Variants in NCALD observed in about 807,000 individuals in gnomAD.
NCALD encodes the protein neurocalcin delta, also known as neurocalcin-delta.
Under a neutral mutation model 18.6 loss-of-function variants are expected in NCALD, and 10 were observed. The observed-to-expected ratio is 0.54, with a 90% CI of 0.33 to 0.91. NCALD has a LOEUF of 0.91. NCALD is among the 40% of genes least tolerant of loss of function. The pLI, the probability that NCALD is intolerant of heterozygous loss-of-function variation, is 0.03. For synonymous variants in NCALD, 88 were observed against 87.4 expected, an observed-to-expected ratio of 1.01 and a Z score of -0.04; for missense variants, 184 against 247.6, an observed-to-expected ratio of 0.74 and a Z score of 1.72.
chr8:101,717,831 C>A (rs1333826924), intron 2 of NCALD, among the ~76,000 whole-genome samples: 5 of 152,130 alleles, frequency 3.3e-5, no homozygotes, highest in African/African-American at 9.7e-5. Context: ...CAGTAAATTC[C>A]AGTTTATCCA....
chr8:101,954,377 G>A (rs896074283), intron 2 of NCALD, among the ~76,000 whole-genome samples: 4 of 151,966 alleles, frequency 2.6e-5, no homozygotes, highest in Non-Finnish European at 4.4e-5. Context: ...CCCTGAGCCC[G>A]AGGCCCTCCT....
chr8:101,913,876 C>G (rs921630910), intron 3 of NCALD, among the ~76,000 whole-genome samples: 1 of 152,192 alleles, frequency 6.6e-6, no homozygotes, highest in Non-Finnish European at 1.5e-5. Flanking sequence ...GACACTGCGC[C>G]TGGCCTACTT....
intron 2 of NCALD, among the ~76,000 whole-genome samples, chr8:101,704,645 G>A (rs555557959): frequency 9.8e-5 from 15 of 152,290 alleles, no homozygotes; most frequent in South Asian, 2.1e-4. Flanking sequence ...GGCCGGGCGC[G>A]GTGGTTCATG....
chr8:101,817,264 C>T (rs561502767), intron 4 of NCALD, among the ~76,000 whole-genome samples: 8 of 152,210 alleles, frequency 5.3e-5, no homozygotes, highest in African/African-American at 1.9e-4. Context: ...CTTGGTGGAG[C>T]CAGCAGAAGA....
chr8:101,711,364 T>C (rs1815782515), intron 2 of NCALD, among the ~76,000 whole-genome samples: 1 of 152,190 alleles, frequency 6.6e-6, no homozygotes, highest in South Asian at 2.1e-4. Flanking sequence ...CCTCTTATCC[T>C]TCAATGGATC....
intron 2 of NCALD, 79 bp downstream of exon 2, chr8:101,719,172 GC>G (rs1816231330): frequency 1.3e-6 from 2 of 1,514,738 alleles, no homozygotes; most frequent in South Asian, 2.7e-5. Context: ...TGCAACCTCT[GC>G]ACCGTGCTAT....
chr8:101,954,478 T>C (rs1176950352), intron 2 of NCALD, among the ~76,000 whole-genome samples: 1 of 152,184 alleles, frequency 6.6e-6, no homozygotes, highest in Non-Finnish European at 1.5e-5. Context: ...CCCTGATTCA[T>C]TCTCTCTACC....
chr8:101,999,037 G>T (rs1171240723), intron 2 of NCALD, among the ~76,000 whole-genome samples: 5 of 132,810 alleles, frequency 3.8e-5, no homozygotes, highest in Admixed American at 3.3e-4. Context: ...GGTTTGAAAT[G>T]AGGGGGAAAA....
rs76158246 is a variant in NCALD, at chr8:101,901,689, A to G, written c.-107+14120T>C. ...ACGTACATCAAGAACTACATCGGAT[A>G]GTGTTATTTTTTGCTTTAACCATGA... On this transcript the variant is annotated intron_variant, in intron 3 of 6. Transcript: ENST00000311028. 7.7e-3 allele frequency among the ~76,000 whole-genome samples: 1,168 copies of G among 152,288 alleles called. 11 individuals are homozygous for G. The highest frequency in any genetic ancestry group is 0.037 in the Middle Eastern group (11 of 294).
intron 2 of NCALD, among the ~76,000 whole-genome samples, chr8:102,014,259 C>T (rs117852084): frequency 0.028 from 4,242 of 152,272 alleles, 100 homozygotes; most frequent in East Asian, 0.089. Context: ...GGTGAGGGTC[C>T]TATTCCTGAT....
chr8:101,749,524 T>C (rs1810564052), intron 1 of NCALD, among the ~76,000 whole-genome samples: 1 of 152,192 alleles, frequency 6.6e-6, no homozygotes, highest in Non-Finnish European at 1.5e-5. Flanking sequence ...ACTAAGTATA[T>C]GACAGGCTAG....
chr8:101,944,633 G>A (rs1464405378), intron 2 of NCALD, among the ~76,000 whole-genome samples: 1 of 152,196 alleles, frequency 6.6e-6, no homozygotes, highest in African/African-American at 2.4e-5. Flanking sequence ...ATTGGGCAGT[G>A]CCAATTGGAG....
intron 4 of NCALD, among the ~76,000 whole-genome samples, chr8:101,819,703 C>A (rs1336379802): frequency 6.6e-6 from 1 of 152,166 alleles, no homozygotes; most frequent in African/African-American, 2.4e-5. Flanking sequence ...GATTTGGGAT[C>A]TTAAAGAAGG....
At chr8:102,028,049 A>G (rs1271658332) in intron 1 of NCALD, among the ~76,000 whole-genome samples, 1 of 152,222 alleles carries the variant, frequency 6.6e-6, no homozygotes, top group Middle Eastern at 3.2e-3. Flanking sequence ...AAATTTGAAT[A>G]TGGACTATAT....
rs148048050 is a variant in NCALD at position 101,733,825 on chromosome 8, C to G, written c.-19-14177G>C. ...GTGCACCCAGAGTGGACTGCCAGAC[C>G]CCCACTGAGGGTTTTCCTGCATGGA... On this transcript the variant is annotated intron_variant, in intron 1 of 3. Coordinates refer to ENST00000220931, the MANE Select transcript of NCALD (RefSeq NM_032041.3). Among the ~76,000 whole-genome samples, 124 of 152,334 alleles carry G rather than the reference C, an allele frequency of 8.1e-4. 4 individuals are homozygous for G. The East Asian group carries it at 0.022, about 27-fold the overall frequency.
intron 2 of NCALD, among the ~76,000 whole-genome samples, chr8:101,971,032 G>A (rs953688643): frequency 5.3e-5 from 8 of 152,114 alleles, no homozygotes; most frequent in East Asian, 1.9e-4. Flanking sequence ...GCACATGCCC[G>A]TCTGCCTTTC....
chr8:101,863,015 T>C (rs1052595734), intron 4 of NCALD, among the ~76,000 whole-genome samples: 1 of 152,180 alleles, frequency 6.6e-6, no homozygotes, highest in African/African-American at 2.4e-5. Context: ...AGTGTGTAAG[T>C]CCTCACAGCT....
chr8:101,699,900 C>G (rs1156873178), intron 2 of NCALD, among the ~76,000 whole-genome samples: 2 of 152,088 alleles, frequency 1.3e-5, no homozygotes, highest in African/African-American at 4.8e-5. Flanking sequence ...TGCGTGTATC[C>G]AAGAACCTAA....
chr8:101,736,971 A>C (rs1809948688), intron 1 of NCALD, among the ~76,000 whole-genome samples: 1 of 152,200 alleles, frequency 6.6e-6, no homozygotes, highest in African/African-American at 2.4e-5. Context: ...AATGATTCTC[A>C]GTTGTTTTAT....
Sources: gnomAD v4.1 joint callset for allele counts (sites outside exome capture counted in the v4.1 genomes callset) on GRCh38, gnomAD v4.1.1 for gene constraint, MANE v1.5 for transcripts, NCBI Gene and HGNC (gene_info 2026-07-23, HGNC 2026-07-21) for gene names.